PAX8: variants seen among roughly 807,000 people sequenced by gnomAD.
PAX8 encodes the protein paired box 8, also known as paired box protein Pax-8.
A neutral mutation model predicts 52.4 loss-of-function variants in PAX8; 15 were observed. The observed-to-expected ratio is 0.29, with a 90% CI of 0.19 to 0.44. The LOEUF is 0.44. Ranked by LOEUF, PAX8 falls within the 20% of genes least tolerant of loss-of-function variation. PAX8 has a pLI of 1.00. For synonymous variants in PAX8, 284 were observed against 249.7 expected (o/e 1.14, Z -1.29); for missense variants, 554 against 602.5 (o/e 0.92, Z 0.84).
intron 2 of PAX8, chr2:113,274,953 T>G (rs1162675825): frequency 6.6e-6 from 1 of 152,232 alleles, no homozygotes; most frequent in Non-Finnish European, 1.5e-5. Flanking sequence ...ATAGAACGTT[T>G]TGACATATTA....
intron 2 of PAX8, chr2:113,276,423 G>T (rs1693817053): frequency 6.6e-6 from 1 of 152,150 alleles, no homozygotes; most frequent in Non-Finnish European, 1.5e-5. Context: ...AAGCCCCTCT[G>T]TCTTCCCGAA....
intron 2 of PAX8, among the ~76,000 whole-genome samples, chr2:113,260,655 G>A (rs1344939802): frequency 6.6e-6 from 1 of 151,372 alleles, no homozygotes; most frequent in Admixed American, 6.6e-5. Flanking sequence ...AGAGGAACTA[G>A]GGAATATTGA....
rs1468085406 is a variant in PAX8, at chr2:113,216,797, A to C, written c.*1736T>G. The C allele has an allele frequency of 8.7e-6, 2 of 228,598 alleles. No individual in the cohort carries two copies. The highest frequency in any genetic ancestry group is 1.2e-4 in the East Asian group (2 of 16,024). 14.2% of individuals were successfully genotyped at this position (228,598 alleles called of 1,614,324 possible). A position where few individuals can be genotyped will look rare whatever the true frequency, so the allele number is the denominator to read the frequency against. Reference sequence around the variant, plus strand: ...GATGAGGACTCTGGGGTTTTGGGTAAAAGCGTTGGGCTTAGAGTAAGAGGA... The same window carrying C: ...GATGAGGACTCTGGGGTTTTGGGTACAAGCGTTGGGCTTAGAGTAAGAGGA... On this transcript the variant is annotated 3_prime_UTR_variant, in exon 12 of 12. Coordinates refer to ENST00000429538, the MANE Select transcript of PAX8 (RefSeq NM_003466.4).
intron 2 of PAX8, among the ~76,000 whole-genome samples, chr2:113,256,305 G>A (rs192760955): frequency 4.0e-4 from 61 of 152,344 alleles, no homozygotes; most frequent in Non-Finnish European, 6.6e-4. Flanking sequence ...AGAAACTGGA[G>A]TTATCAGAGC....
intron 11 of PAX8, among the ~76,000 whole-genome samples, chr2:113,219,175 G>T (rs1689140363): frequency 6.6e-6 from 1 of 152,176 alleles, no homozygotes; most frequent in African/African-American, 2.4e-5. Context: ...TGGAAAGCTG[G>T]GTTGGAGTTG....
rs116202585 is a variant in PAX8 at position 113,261,448 on chromosome 2, C to T, written c.26-14529G>A. On this transcript the variant is annotated intron_variant, in intron 2 of 11. Transcript: ENST00000429538. ...ACAAAACACCAGGGGTGACACTGGG[C>T]GTGCCATAAGATGAGGGAAGGTAGC... is the stretch of plus-strand genomic sequence containing the variant. 2.0e-3 allele frequency among the ~76,000 whole-genome samples: 303 copies of T among 152,248 alleles called. 3 individuals are homozygous for T. The highest frequency in any genetic ancestry group is 6.9e-3 in the African/African-American group (287 of 41,570).
intron 10 of PAX8, among the ~76,000 whole-genome samples, chr2:113,224,413 G>C (rs918896942): frequency 1.3e-5 from 2 of 152,120 alleles, no homozygotes; most frequent in Non-Finnish European, 2.9e-5. Context: ...CAGGTGTGGT[G>C]GTGGGTCCCT....
In PAX8 at chr2:113,217,942, C is replaced by G. The variant is rs1689081416; in HGVS notation, c.*591G>C. The G allele has an allele frequency of 4.3e-6, 1 of 233,170 alleles. No individual in the cohort carries two copies. The highest frequency in any genetic ancestry group is 8.5e-6 in the Non-Finnish European group (1 of 118,126). The allele number at this position is 233,170 out of a possible 1,614,324, so 14.4% of individuals were successfully genotyped here. A position where few individuals can be genotyped will look rare whatever the true frequency, so the allele number is the denominator to read the frequency against. ...GACTCGCTCCAGCCCTCAGCCCATG[C>G]CCAAGAGGGAGGTGTAGAAAGAGCC... is the stretch of plus-strand genomic sequence containing the variant. On this transcript the variant is annotated 3_prime_UTR_variant, in exon 12 of 12. Coordinates refer to ENST00000429538, the MANE Select transcript of PAX8 (RefSeq NM_003466.4).
In PAX8 at chr2:113,235,393, C is replaced by A. The variant is rs1315971924; in HGVS notation, c.1087+1G>T. The A allele has an allele frequency of 6.4e-7, 1 of 1,572,930 alleles. No individual in the cohort carries two copies. On this transcript the variant is annotated splice_donor_variant, in intron 9 of 11. Transcript: ENST00000429538. LOFTEE classifies it high-confidence loss of function. ...ATGGCCCCGGGACCTCCCTGTCGTA[C>A]CTGAGAGGAGGGCCTGGCCCGTGAA...
intron 2 of PAX8, chr2:113,268,520 C>T (rs546050794): frequency 3.5e-4 from 53 of 152,342 alleles, no homozygotes; most frequent in Admixed American, 3.1e-3. Context: ...ATAATGAAAG[C>T]CTATGAAGCT....
In PAX8 at chr2:113,244,466, C is replaced by G. The variant is rs1173174494; in HGVS notation, c.350G>C (p.Cys117Ser). ...GACACTGGGCACAGTGTCATTGTCACAGACGCCCTCAGCCAGGAGCCGGTC... is the reference window on the plus strand; with the variant it reads ...GACACTGGGCACAGTGTCATTGTCAGAGACGCCCTCAGCCAGGAGCCGGTC... The part of the protein sequence containing the change: ...IRDRLLAEGV[C>S]DNDTVPSVSS... The change falls in exon 4 of 12, where the codon TGT becomes TCT. Residue 117 changes from cysteine to serine, a missense_variant. Physicochemically the swap from Cys to Ser is moderately radical, Grantham distance 112 (BLOSUM62 -1). This residue lies in a region of PAX8 where 109 missense variants were observed against 192.7 expected (regional missense o/e 0.57). Coordinates refer to ENST00000429538, the MANE Select transcript of PAX8 (RefSeq NM_003466.4). 1 of 1,614,156 alleles carries G rather than the reference C, an allele frequency of 6.2e-7. No individual in the cohort carries two copies. The highest frequency in any genetic ancestry group is 8.5e-7 in the Non-Finnish European group (1 of 1,179,998).
chr2:113,227,691 G>A (rs532798921), intron 9 of PAX8, among the ~76,000 whole-genome samples: 3 of 152,226 alleles, frequency 2.0e-5, no homozygotes, highest in Non-Finnish European at 2.9e-5. Context: ...TTTCATTCCC[G>A]GCTCTGAGGA....
intron 3 of PAX8, 74 bp downstream of exon 3, chr2:113,246,680 T>G: frequency 6.5e-7 from 1 of 1,531,620 alleles, no homozygotes; most frequent in Non-Finnish European, 9.0e-7. Flanking sequence ...AGGGGAATTC[T>G]CTAGCTGCCC....
intron 2 of PAX8, among the ~76,000 whole-genome samples, chr2:113,256,438 C>CA (rs1478519047): frequency 6.6e-6 from 1 of 152,146 alleles, no homozygotes; most frequent in African/African-American, 2.4e-5. Context: ...GAATCTGATT[C>CA]AACTACTGCT....
At chr2:113,258,735 T>C (rs528688391) in intron 2 of PAX8, among the ~76,000 whole-genome samples, 3 of 152,192 alleles carry the variant, frequency 2.0e-5, no homozygotes, top group Non-Finnish European at 4.4e-5. Flanking sequence ...TCCAGCATGA[T>C]TTTCTCTTTG....
At position 113,241,534 on chromosome 2, in the gene PAX8, A is replaced by T; in HGVS notation, c.777+17T>A. ...CCCTTGCCCACCCTGTTCACCTCCCAGGGCCCAGCTTCTCACCTGCTCGCC... is the reference window on the plus strand; with the variant it reads ...CCCTTGCCCACCCTGTTCACCTCCCTGGGCCCAGCTTCTCACCTGCTCGCC... On this transcript the variant is annotated intron_variant, in intron 7 of 11. Transcript: ENST00000429538. The T allele has an allele frequency of 6.3e-7, 1 of 1,594,598 alleles. No individual in the cohort carries two copies. Among genetic ancestry groups the T allele is most frequent in the South Asian group, 1.1e-5 (1 of 88,956 alleles).
At chr2:113,243,239 C>A (rs1446802304) in intron 4 of PAX8, among the ~76,000 whole-genome samples, 2 of 152,166 alleles carry the variant, frequency 1.3e-5, no homozygotes, top group Non-Finnish European at 2.9e-5. Flanking sequence ...TGCAAGTTGG[C>A]TTAAAATCTG....
intron 10 of PAX8, 57 bp from the exon 11 acceptor site, chr2:113,220,235 G>C: frequency 7.2e-7 from 1 of 1,384,850 alleles, no homozygotes; most frequent in Non-Finnish European, 1.0e-6. Context: ...ATGCAGGGCT[G>C]GGGTGTGGGA....
At chr2:113,247,000 G>T in intron 2 of PAX8, 81 bp from the exon 3 acceptor site, 1 of 1,262,090 alleles carries the variant, frequency 7.9e-7, no homozygotes, top group Non-Finnish European at 1.1e-6. Flanking sequence ...TACAGGTGCT[G>T]GTGTGTGTGT....
Sources: allele counts gnomAD v4.1 joint callset (sites outside exome capture counted in the v4.1 genomes callset), GRCh38; gene constraint gnomAD v4.1.1; regional missense constraint gnomAD v4.1.1; transcripts MANE v1.5; gene names NCBI Gene and HGNC (gene_info 2026-07-23, HGNC 2026-07-21).